The following PIP variants were observed in gnomAD, a reference collection of about 807,000 sequenced individuals.
PIP encodes the protein prolactin-inducible protein.
Under a neutral mutation model 12.8 loss-of-function variants are expected in PIP, and 9 were observed. The ratio of observed to expected loss-of-function variants is 0.70; its 90% CI spans 0.42 to 1.23. The LOEUF is 1.23. Ranked by LOEUF, PIP falls within the 50% of genes most tolerant of loss-of-function variation. The pLI is 0.00. For missense variants in PIP, 172 were observed against 179.5 expected (o/e 0.96, Z 0.24); for synonymous variants, 60 against 66.1 (o/e 0.91, Z 0.45).
intron 2 of PIP, 84 bp from the exon 3 acceptor site, chr7:143,138,991 C>T (rs1039304558): frequency 1.3e-5 from 10 of 770,704 alleles, no homozygotes; most frequent in Non-Finnish European, 1.6e-5. Context: ...TCTTCTCCTC[C>T]GGCTTTTCCC....
intron 2 of PIP, among the ~76,000 whole-genome samples, chr7:143,137,966 C>T (rs933390119): frequency 1.3e-5 from 2 of 151,568 alleles, no homozygotes; most frequent in African/African-American, 4.8e-5. Context: ...CAGGATTCTC[C>T]AAGGCATTCT....
At chr7:143,137,363 C>A (rs1178069097) in intron 2 of PIP, among the ~76,000 whole-genome samples, 4 of 152,038 alleles carry the variant, frequency 2.6e-5, no homozygotes, top group African/African-American at 4.8e-5. Flanking sequence ...GTATGTGTTT[C>A]TTTATGCACA....
intron 3 of PIP, 143 bp from the exon 4 acceptor site, chr7:143,139,375 G>A (rs973133785): frequency 6.8e-6 from 7 of 1,034,272 alleles, no homozygotes; most frequent in Non-Finnish European, 1.0e-5. Flanking sequence ...CAGAGGCATT[G>A]AGTGCAAAAA....
chr7:143,136,006 G>A (rs1286563851), intron 2 of PIP, among the ~76,000 whole-genome samples: 3 of 152,054 alleles, frequency 2.0e-5, no homozygotes, highest in South Asian at 4.2e-4. Flanking sequence ...TTTAACAGAC[G>A]CCCAAGGTAC....
In PIP at chr7:143,132,167, G is replaced by C. The variant is rs763039326; in HGVS notation, c.51G>C (p.Leu17=). The C allele has an allele frequency of 1.9e-6, 3 of 1,612,942 alleles. No homozygotes were observed. The highest frequency in any genetic ancestry group is 1.6e-4 in the Middle Eastern group (1 of 6,082). Residue 17 remains leucine (L), a synonymous_variant, in exon 1 of 4, where the codon CTG becomes CTC. Transcript: ENST00000291009. The part of the protein sequence containing the change: ...LFRASPATLL[L]VLCLQLGANK... ...GGGCCAGCCCTGCCACCCTGCTCCTGGTTCTCTGCCTGCAGTTGGGGGCCA... is the reference window on the plus strand; with the variant it reads ...GGGCCAGCCCTGCCACCCTGCTCCTCGTTCTCTGCCTGCAGTTGGGGGCCA...
At chr7:143,134,187 T>TAC (rs1294322816) in intron 1 of PIP, among the ~76,000 whole-genome samples, 9 of 3,596 alleles carry the variant, frequency 2.5e-3, no homozygotes, top group African/African-American at 5.7e-3. Context: ...TTCCATCATA[T>TAC]ATATATATAT....
intron 1 of PIP, among the ~76,000 whole-genome samples, chr7:143,134,582 T>C (rs759334219): frequency 2.6e-5 from 4 of 151,842 alleles, no homozygotes; most frequent in Non-Finnish European, 4.4e-5. Flanking sequence ...TATCGCATTG[T>C]GGTTTTGATT....
intron 2 of PIP, among the ~76,000 whole-genome samples, chr7:143,138,369 T>C (rs1799332303): frequency 1.3e-5 from 2 of 152,068 alleles, no homozygotes; most frequent in Non-Finnish European, 2.9e-5. Context: ...CAGATCCCTC[T>C]GGGTCTATGG....
At position 143,139,227 on chromosome 7, in the gene PIP, C is replaced by G. The variant is rs920380964; in HGVS notation, c.316+38C>G. The G allele has an allele frequency of 3.5e-6, 4 of 1,143,990 alleles. No homozygotes were observed. In the Admixed American group the frequency reaches 5.1e-5, roughly 14 times the overall value. The allele number at this position is 1,143,990 out of a possible 1,614,324, so 70.9% of individuals were successfully genotyped here. ...GTTGTCCAAGGAGGGAACTACCCAC[C>G]AGCCACCAGGGAGGAGAAACTATAA... On this transcript the variant is annotated intron_variant, in intron 3 of 3. Transcript: ENST00000291009.
chr7:143,139,000 C>T, intron 2 of PIP, 75 bp from the exon 3 acceptor site: 1 of 806,026 alleles, frequency 1.2e-6, no homozygotes, highest in Non-Finnish European at 2.2e-6. Flanking sequence ...CCGGCTTTTC[C>T]CTCTCCTATT....
At chr7:143,133,466 A>T (rs950731232) in intron 1 of PIP, among the ~76,000 whole-genome samples, 1 of 152,130 alleles carries the variant, frequency 6.6e-6, no homozygotes, top group Non-Finnish European at 1.5e-5. Context: ...CTGTGGGCTA[A>T]GAATCTCAAT....
At chr7:143,137,997 G>A (rs1054091098) in intron 2 of PIP, among the ~76,000 whole-genome samples, 1 of 151,974 alleles carries the variant, frequency 6.6e-6, no homozygotes. Flanking sequence ...CCAAGGGTGA[G>A]AACACCTGAA....
At chr7:143,137,782 C>T (rs192464557) in intron 2 of PIP, among the ~76,000 whole-genome samples, 26 of 152,016 alleles carry the variant, frequency 1.7e-4, no homozygotes, top group African/African-American at 6.0e-4. Flanking sequence ...CACCTGTAAT[C>T]CCAGCTACTC....
rs776666213 is a variant in PIP at position 143,139,554 on chromosome 7, G to T, written c.353G>T (p.Arg118Leu). 1 of 1,612,766 alleles carries T rather than the reference G, an allele frequency of 6.2e-7. No homozygotes were observed. Among genetic ancestry groups the T allele is most frequent in the Admixed American group, 1.7e-5 (1 of 60,000 alleles). The change falls in exon 4 of 4, where the codon CGG becomes CTG. Residue 118 changes from arginine to leucine, a missense_variant. Transcript: ENST00000291009. Reference protein sequence around the residue: ...VQIAAVVDVIRELGICPDDAA... With the variant: ...VQIAAVVDVILELGICPDDAA... Reference sequence around the variant, plus strand: ...ATTGCAGCCGTCGTTGATGTTATTCGGGAATTAGGCATCTGCCCTGATGAT... The same window carrying T: ...ATTGCAGCCGTCGTTGATGTTATTCTGGAATTAGGCATCTGCCCTGATGAT...
At chr7:143,135,932 G>A (rs756591441) in intron 2 of PIP, among the ~76,000 whole-genome samples, 10 of 151,986 alleles carry the variant, frequency 6.6e-5, no homozygotes, top group South Asian at 2.1e-4. Context: ...AAACTCACTC[G>A]GGGATCTTGT....
intron 1 of PIP, 54 bp from the exon 2 acceptor site, chr7:143,135,140 A>C (rs1586368043): frequency 1.1e-6 from 1 of 890,554 alleles, no homozygotes; most frequent in East Asian, 2.5e-5. Flanking sequence ...CTCCCCCCTC[A>C]CTCAAAGATT....
chr7:143,136,573 T>C (rs2116570168), intron 2 of PIP, among the ~76,000 whole-genome samples: 1 of 152,222 alleles, frequency 6.6e-6, no homozygotes, highest in East Asian at 1.9e-4. Context: ...ATTTTTCAAC[T>C]CTGTATTTTG....
intron 2 of PIP, among the ~76,000 whole-genome samples, chr7:143,136,398 T>A (rs1189804093): frequency 6.6e-6 from 1 of 152,092 alleles, no homozygotes; most frequent in African/African-American, 2.4e-5. Flanking sequence ...ACATGAAGAT[T>A]GCTATTCAGT....
chr7:143,138,889 GGAA>G (rs1200835288), intron 2 of PIP, among the ~76,000 whole-genome samples, 183 bp from the exon 3 acceptor site: 3 of 152,042 alleles, frequency 2.0e-5, no homozygotes, highest in African/African-American at 4.8e-5. Flanking sequence ...TGAGGGCATT[GGAA>G]GGGAAAACCT....
Sources: gnomAD v4.1 joint callset for allele counts (sites outside exome capture counted in the v4.1 genomes callset) on GRCh38, gnomAD v4.1.1 for gene constraint, MANE v1.5 for transcripts, NCBI Gene and HGNC (gene_info 2026-07-23, HGNC 2026-07-21) for gene names.